The following SYNE1 variants were observed in gnomAD, a reference collection of about 807,000 sequenced individuals.
The protein encoded by SYNE1 is spectrin repeat containing nuclear envelope protein 1, also known as nesprin-1.
In SYNE1, 616 loss-of-function variants were observed where a neutral mutation model predicts 1,111.0. That is an observed-to-expected ratio of 0.55 (90% CI 0.52 to 0.59). The LOEUF (loss-of-function observed/expected upper bound fraction) is 0.59, where lower values mean the gene tolerates loss of function less well. Among genes scored for constraint, SYNE1 ranks in the 20% least tolerant of loss-of-function variants. SYNE1 has a pLI of 0.00. For synonymous variants in SYNE1, 3,855 were observed against 3,825.8 expected (o/e 1.01, Z -0.28); for missense variants, 10,006 against 10,417.0 (o/e 0.96, Z 1.72).
chr6:152,259,592 T>C (rs1179262482), intron 101 of SYNE1, among the ~76,000 whole-genome samples: 1 of 152,146 alleles, frequency 6.6e-6, no homozygotes, highest in Non-Finnish European at 1.5e-5. Context: ...ATTCACCTCT[T>C]CTTAGTCGCA....
At chr6:152,449,511 C>T (rs1163247012) in intron 28 of SYNE1, 22 bp downstream of exon 28, 3 of 1,570,334 alleles carry the variant, frequency 1.9e-6, no homozygotes, top group Non-Finnish European at 2.6e-6. Context: ...TTTCCTCTAG[C>T]AAATAATGAC....
rs753720313 is a variant in SYNE1, at chr6:152,483,259, A to T, written c.1186-10T>A. The stretch of plus-strand genomic sequence containing the variant: ...TATGCCAGTCAAAGAGCTAAAATTT[A>T]AAAAGCAGAAAAGTAAAATATCTTT... On this transcript the variant is annotated splice_polypyrimidine_tract_variant and intron_variant, in intron 13 of 145. Transcript: ENST00000367255. The T allele has an allele frequency of 1.2e-6, 2 of 1,613,596 alleles. No homozygotes were observed. Among genetic ancestry groups the T allele is most frequent in the South Asian group, 2.2e-5 (2 of 91,054 alleles).
At position 152,207,209 on chromosome 6, in the gene SYNE1, T is replaced by C. The variant is rs1176979156; in HGVS notation, c.22824+763A>G. ...GGATTCCTAGACTAATGGCACTTCCTGGAAGTGTGATGGGAAAGGGAGAAA... is the reference window on the plus strand; with the variant it reads ...GGATTCCTAGACTAATGGCACTTCCCGGAAGTGTGATGGGAAAGGGAGAAA... On this transcript the variant is annotated intron_variant, in intron 125 of 145. Transcript: ENST00000367255. 1.3e-5 allele frequency among the ~76,000 whole-genome samples: 2 copies of C among 152,026 alleles called. 1 individual carries two copies. Among genetic ancestry groups the C allele is most frequent in the South Asian group, 4.1e-4 (2 of 4,820 alleles).
chr6:152,321,445 T>C, intron 83 of SYNE1, 55 bp from the exon 84 acceptor site: 6 of 1,585,984 alleles, frequency 3.8e-6, no homozygotes, highest in South Asian at 1.1e-5. Flanking sequence ...GGGACTGTTA[T>C]AGACAAGGCT....
chr6:152,178,073 A>G (rs1313400582), intron 129 of SYNE1, among the ~76,000 whole-genome samples: 2 of 152,180 alleles, frequency 1.3e-5, no homozygotes, highest in African/African-American at 4.8e-5. Flanking sequence ...TTAATATACG[A>G]GGTAGTATAG....
intron 74 of SYNE1, 45 bp from the exon 75 acceptor site, chr6:152,339,411 T>TAGA: frequency 1.2e-6 from 2 of 1,608,802 alleles, no homozygotes; most frequent in Non-Finnish European, 1.7e-6. Context: ...ATCAGCTATT[T>TAGA]AGATAGCAAA....
At chr6:152,190,748 C>T (rs2072023023) in intron 127 of SYNE1, among the ~76,000 whole-genome samples, 1 of 152,204 alleles carries the variant, frequency 6.6e-6, no homozygotes, top group Admixed American at 6.5e-5. Flanking sequence ...AACCATCTTT[C>T]TACTCTCTAT....
intron 137 of SYNE1, chr6:152,145,441 C>T: frequency 1.3e-6 from 2 of 1,559,474 alleles, no homozygotes; most frequent in Non-Finnish European, 8.8e-7. Context: ...AGGAGGATTG[C>T]TATACAGGGG....
At chr6:152,210,556 A>G (rs1459024653) in intron 124 of SYNE1, among the ~76,000 whole-genome samples, 1 of 152,184 alleles carries the variant, frequency 6.6e-6, no homozygotes, top group Non-Finnish European at 1.5e-5. Flanking sequence ...ATAGCCACTT[A>G]AAACTGAAAT....
intron 29 of SYNE1, among the ~76,000 whole-genome samples, chr6:152,446,118 T>C (rs996097242): frequency 6.6e-6 from 1 of 151,660 alleles, no homozygotes; most frequent in Admixed American, 6.6e-5. Context: ...ATTTTTTTTT[T>C]TTTTTTTTTT....
In SYNE1 at chr6:152,440,032, A is replaced by G. The variant is rs1489585; in HGVS notation, c.4149+1098T>C. ...CGTTCACATCCCCCATCTCACTTCC[A>G]TTGTCTCCGTCAGACTCAAAACCTC... is the stretch of plus-strand genomic sequence containing the variant. On this transcript the variant is annotated intron_variant, in intron 32 of 145. Transcript: ENST00000367255. Among the ~76,000 whole-genome samples, 1,324 of 152,030 alleles carry G rather than the reference A, an allele frequency of 8.7e-3. 19 individuals are homozygous for G. The highest frequency in any genetic ancestry group is 0.03 in the African/African-American group (1,248 of 41,482).
intron 3 of SYNE1, among the ~76,000 whole-genome samples, chr6:152,599,724 G>A (rs2099591643): frequency 6.6e-6 from 1 of 152,176 alleles, no homozygotes; most frequent in Non-Finnish European, 1.5e-5. Flanking sequence ...TTTGAGTCAA[G>A]TGTATTCAAG....
intron 62 of SYNE1, 79 bp from the exon 63 acceptor site, chr6:152,365,098 G>T: frequency 6.4e-7 from 1 of 1,561,750 alleles, no homozygotes; most frequent in Non-Finnish European, 8.8e-7. Context: ...AGCTCCTAAA[G>T]ATCACAGAAT....
chr6:152,596,741 C>A (rs1468559085), intron 3 of SYNE1, among the ~76,000 whole-genome samples: 2 of 152,150 alleles, frequency 1.3e-5, no homozygotes, highest in Non-Finnish European at 2.9e-5. Flanking sequence ...CGATGGTATT[C>A]ACAAAACAAC....
intron 3 of SYNE1, among the ~76,000 whole-genome samples, chr6:152,562,827 A>G (rs1368020737): frequency 6.6e-6 from 1 of 152,284 alleles, no homozygotes; most frequent in East Asian, 1.9e-4. Context: ...CTAAATATCA[A>G]TCATCTAAAT....
chr6:152,376,634 C>T, intron 57 of SYNE1, 76 bp from the exon 58 acceptor site: 1 of 1,583,784 alleles, frequency 6.3e-7, no homozygotes, highest in Non-Finnish European at 8.6e-7. Context: ...ATAGAATCAC[C>T]AGTTCTTAGA....
chr6:152,327,972 A>G (rs1009592282), intron 78 of SYNE1, among the ~76,000 whole-genome samples: 1 of 152,208 alleles, frequency 6.6e-6, no homozygotes, highest in African/African-American at 2.4e-5. Flanking sequence ...TAAGAAGTTT[A>G]TTATGATTTT....
rs1481308635 is a variant in SYNE1, at chr6:152,379,931, A to G, written c.9009+1075T>C. 2.0e-5 allele frequency among the ~76,000 whole-genome samples: 3 copies of G among 152,214 alleles called. No homozygotes were observed. The East Asian group carries it at 5.8e-4, about 29-fold the overall frequency. On this transcript the variant is annotated intron_variant, in intron 56 of 145. Transcript: ENST00000367255. ...TAGAAAGAAAGGGAAAGAAAAAGGA[A>G]CCAAGAAAGTGTAACTGATTTTTTC...
At chr6:152,465,766 TAC>T (rs71017538) in intron 17 of SYNE1, among the ~76,000 whole-genome samples, 4,170 of 133,314 alleles carry the variant, frequency 0.031, 60 homozygotes, top group Non-Finnish European at 0.035. Flanking sequence ...GAAGAACACA[TAC>T]ACACACACAC....
Sources: gnomAD v4.1 joint callset for allele counts (sites outside exome capture counted in the v4.1 genomes callset) on GRCh38, gnomAD v4.1.1 for gene constraint, MANE v1.5 for transcripts, NCBI Gene and HGNC (gene_info 2026-07-23, HGNC 2026-07-21) for gene names.